The following PDGFD variants were observed in gnomAD, a reference collection of about 807,000 sequenced individuals.
PDGFD encodes platelet-derived growth factor D.
PDGFD carries 30 observed loss-of-function variants against 44.7 expected under a neutral mutation model. That is an observed-to-expected ratio of 0.67 (90% CI 0.50 to 0.91). PDGFD has a LOEUF of 0.91. Ranked by LOEUF, PDGFD falls within the 40% of genes least tolerant of loss-of-function variation. PDGFD has a pLI of 0.00. For missense variants in PDGFD, 445 were observed against 457.8 expected, an observed-to-expected ratio of 0.97 and a Z score of 0.25; for synonymous variants, 173 against 168.4, an observed-to-expected ratio of 1.03 and a Z score of -0.21.
intron 1 of PDGFD, among the ~76,000 whole-genome samples, chr11:104,115,403 T>C (rs1380456083): frequency 1.3e-5 from 2 of 151,276 alleles, no homozygotes; most frequent in South Asian, 2.1e-4. Flanking sequence ...ATATTATTAA[T>C]AAGTAATAGC....
At chr11:104,013,839 T>C (rs569131160) in intron 1 of PDGFD, among the ~76,000 whole-genome samples, 3 of 151,798 alleles carry the variant, frequency 2.0e-5, no homozygotes, top group Non-Finnish European at 4.4e-5. Context: ...GATAGAAATG[T>C]ATCTCCAAGC....
At chr11:104,048,473 C>A (rs1860477794) in intron 1 of PDGFD, among the ~76,000 whole-genome samples, 1 of 152,076 alleles carries the variant, frequency 6.6e-6, no homozygotes, top group Non-Finnish European at 1.5e-5. Context: ...CATTCTGTAT[C>A]TTCTTATTCT....
chr11:104,063,138 G>C (rs1860738421), intron 1 of PDGFD, among the ~76,000 whole-genome samples: 1 of 152,110 alleles, frequency 6.6e-6, no homozygotes, highest in African/African-American at 2.4e-5. Context: ...ACAGGCTTTT[G>C]AGGTAAGGAA....
intron 1 of PDGFD, among the ~76,000 whole-genome samples, chr11:104,018,409 G>A (rs563492050): frequency 3.3e-5 from 5 of 152,188 alleles, no homozygotes; most frequent in South Asian, 4.2e-4. Context: ...ATCTCACTTC[G>A]TTAGATTTAT....
At chr11:104,064,128 G>T (rs1860752720) in intron 1 of PDGFD, among the ~76,000 whole-genome samples, 1 of 152,152 alleles carries the variant, frequency 6.6e-6, no homozygotes, top group African/African-American at 2.4e-5. Flanking sequence ...AACCTTCACT[G>T]CTGATTTTAC....
chr11:103,932,191 T>G (rs2898020), intron 5 of PDGFD, among the ~76,000 whole-genome samples: 45,072 of 151,840 alleles, frequency 0.3, 7,465 homozygotes, highest in East Asian at 0.39. Flanking sequence ...ATGAGTTTTT[T>G]TTTTTTTACT....
intron 3 of PDGFD, among the ~76,000 whole-genome samples, chr11:103,956,148 G>A (rs1194069563): frequency 2.1e-4 from 32 of 150,350 alleles, no homozygotes; most frequent in Non-Finnish European, 4.1e-4. Context: ...TGCCATGCTG[G>A]TGTGCTGCAC....
At chr11:103,981,279 C>A (rs1859268439) in intron 3 of PDGFD, among the ~76,000 whole-genome samples, 1 of 151,518 alleles carries the variant, frequency 6.6e-6, no homozygotes, top group South Asian at 2.1e-4. Context: ...AGAATCCATA[C>A]CAGCAAGAAG....
chr11:103,987,048 G>C (rs953881079), intron 3 of PDGFD, among the ~76,000 whole-genome samples: 6 of 140,246 alleles, frequency 4.3e-5, no homozygotes, highest in Admixed American at 7.9e-5. Context: ...TGACCAATCA[G>C]CACTCCCCAC....
intron 6 of PDGFD, among the ~76,000 whole-genome samples, chr11:103,917,092 A>C (rs529932072): frequency 3.4e-4 from 51 of 152,208 alleles, no homozygotes; most frequent in African/African-American, 1.2e-3. Context: ...ATTAAAAAAA[A>C]AACACACAAC....
In PDGFD at chr11:104,164,064, G is replaced by A; in HGVS notation, c.-137C>T. On this transcript the variant is annotated 5_prime_UTR_variant, in exon 1 of 7. Coordinates refer to ENST00000393158, the MANE Select transcript of PDGFD (RefSeq NM_025208.5). Reference sequence around the variant, plus strand: ...CCCGGGTCGCTGTGCTAATCGCCGAGCTCTCCCCAAACTTCCTGCATGCTG... The same window carrying A: ...CCCGGGTCGCTGTGCTAATCGCCGAACTCTCCCCAAACTTCCTGCATGCTG... 1.0e-6 allele frequency: 1 copy of A among 977,144 alleles called. No individual in the cohort carries two copies. Among genetic ancestry groups the A allele is most frequent in the Non-Finnish European group, 1.4e-6 (1 of 705,088 alleles). The allele number at this position is 977,144 out of a possible 1,614,324, so 60.5% of individuals were successfully genotyped here.
Position 103,983,933 on chromosome 11 carries a change from C to T in PDGFD, c.510+12132G>A, listed in dbSNP as rs144862638. Among the ~76,000 whole-genome samples the T allele has an allele frequency of 8.3e-3, 1,250 of 151,476 alleles. 55 individuals are homozygous for T. Among genetic ancestry groups the T allele is most frequent in the African/African-American group, 0.029 (1,186 of 41,008 alleles). ...ATGCTGGCAAGGTCGTGGAGAAAAACGAATGCTTATACACTGTCGGTGGAA... is the reference window on the plus strand; with the variant it reads ...ATGCTGGCAAGGTCGTGGAGAAAAATGAATGCTTATACACTGTCGGTGGAA... On this transcript the variant is annotated intron_variant, in intron 3 of 6. Coordinates refer to ENST00000393158, the MANE Select transcript of PDGFD (RefSeq NM_025208.5).
At chr11:104,146,039 C>A (rs889090151) in intron 1 of PDGFD, among the ~76,000 whole-genome samples, 1 of 152,146 alleles carries the variant, frequency 6.6e-6, no homozygotes, top group Non-Finnish European at 1.5e-5. Flanking sequence ...GAAATAAAGT[C>A]TGTTATTTAA....
chr11:104,052,164 C>T (rs962846539), intron 1 of PDGFD, among the ~76,000 whole-genome samples: 7 of 152,140 alleles, frequency 4.6e-5, no homozygotes, highest in South Asian at 2.1e-4. Context: ...GTCTTCAAGA[C>T]TTATCCATAT....
intron 2 of PDGFD, 83 bp downstream of exon 2, chr11:103,999,968 G>T: frequency 8.1e-7 from 1 of 1,234,346 alleles, no homozygotes; most frequent in South Asian, 1.3e-5. Context: ...GGCTCAAAAG[G>T]AATGTTTGAT....
intron 1 of PDGFD, among the ~76,000 whole-genome samples, chr11:104,015,893 A>G (rs921083991): frequency 1.3e-5 from 2 of 152,188 alleles, no homozygotes; most frequent in African/African-American, 4.8e-5. Context: ...ACAACATTGA[A>G]TGACAGCTGG....
chr11:103,998,763 T>C (rs961796056), intron 2 of PDGFD, among the ~76,000 whole-genome samples: 3 of 152,244 alleles, frequency 2.0e-5, no homozygotes, highest in Non-Finnish European at 4.4e-5. Flanking sequence ...CCTTAACTTG[T>C]GGGATCTGAC....
intron 1 of PDGFD, among the ~76,000 whole-genome samples, chr11:104,098,672 C>A (rs1013741238): frequency 5.9e-5 from 9 of 152,062 alleles, no homozygotes; most frequent in African/African-American, 2.2e-4. Context: ...CCATGCCCAG[C>A]TAATTTTTAA....
intron 1 of PDGFD, among the ~76,000 whole-genome samples, chr11:104,156,554 C>G (rs932253135): frequency 5.3e-5 from 8 of 152,040 alleles, no homozygotes; most frequent in Non-Finnish European, 1.2e-4. Context: ...AGACAGCTCC[C>G]ATGCCTGGGC....
Sources: gnomAD v4.1 joint callset for allele counts (sites outside exome capture counted in the v4.1 genomes callset) on GRCh38, gnomAD v4.1.1 for gene constraint, MANE v1.5 for transcripts, NCBI Gene and HGNC (gene_info 2026-07-23, HGNC 2026-07-21) for gene names.